The following FMO5 variants were observed in gnomAD, a reference collection of about 807,000 sequenced individuals.
FMO5 encodes the protein flavin-containing monooxygenase 5.
Under a neutral mutation model 43.6 loss-of-function variants are expected in FMO5, and 51 were observed. The observed-to-expected ratio is 1.17, with a 90% CI of 0.93 to 1.48. The LOEUF is 1.48. Among genes scored for constraint, FMO5 ranks in the 40% most tolerant of loss-of-function variants. FMO5 has a pLI of 0.00. For synonymous variants in FMO5, 187 were observed against 216.5 expected (o/e 0.86, Z 1.20); for missense variants, 644 against 643.0 (o/e 1.00, Z -0.02).
chr1:147,210,238 T>C (rs782255035), intron 5 of FMO5: 17 of 152,240 alleles, frequency 1.1e-4, no homozygotes, highest in Non-Finnish European at 2.2e-4. Context: ...GTTTGATTGA[T>C]TATTTAATGG....
intron 2 of FMO5, chr1:147,223,897 G>A: frequency 2.7e-6 from 1 of 366,262 alleles, no homozygotes; most frequent in Non-Finnish European, 5.3e-6. Flanking sequence ...AGAGACTGTT[G>A]TCCTGGACTG....
intron 6 of FMO5, among the ~76,000 whole-genome samples, chr1:147,205,747 C>A (rs1571285909): frequency 2.0e-5 from 3 of 152,250 alleles, no homozygotes; most frequent in South Asian, 2.1e-4. Flanking sequence ...CTTCCTTACA[C>A]CTTATACAAA....
At chr1:147,222,406 G>A (rs1663192482) in intron 2 of FMO5, among the ~76,000 whole-genome samples, 1 of 152,128 alleles carries the variant, frequency 6.6e-6, no homozygotes, top group Non-Finnish European at 1.5e-5. Context: ...GGAAGTTGGG[G>A]AAATTGGAAC....
chr1:147,200,007 G>T (rs587744483), intron 7 of FMO5, among the ~76,000 whole-genome samples: 1 of 152,026 alleles, frequency 6.6e-6, no homozygotes, highest in Non-Finnish European at 1.5e-5. Context: ...ACATCATCTT[G>T]TTTCTCTCTA....
At chr1:147,195,468 C>A (rs1657820994) in intron 7 of FMO5, among the ~76,000 whole-genome samples, 2 of 152,074 alleles carry the variant, frequency 1.3e-5, no homozygotes, top group African/African-American at 4.8e-5. Flanking sequence ...GCCTAAAGTC[C>A]TGTGGAAGAT....
intron 2 of FMO5, among the ~76,000 whole-genome samples, chr1:147,219,882 A>T (rs1481521522): frequency 7.6e-6 from 1 of 132,126 alleles, no homozygotes; most frequent in African/African-American, 3.0e-5. Flanking sequence ...TCTATTGCCC[A>T]GGCTAGAGTG....
chr1:147,213,608 A>ACAGTTCT, intron 3 of FMO5, 138 bp from the exon 4 acceptor site: 1 of 697,658 alleles, frequency 1.4e-6, no homozygotes, highest in Non-Finnish European at 2.2e-6. Flanking sequence ...TACTCCACAA[A>ACAGTTCT]TAAGAACTGT....
At chr1:147,196,411 G>C (rs977303593) in intron 7 of FMO5, among the ~76,000 whole-genome samples, 3 of 151,766 alleles carry the variant, frequency 2.0e-5, no homozygotes, top group Non-Finnish European at 4.4e-5. Context: ...ACAACCACAA[G>C]TTTTACTTCT....
chr1:147,196,351 CG>C (rs1559643293), intron 7 of FMO5, among the ~76,000 whole-genome samples: 10 of 151,992 alleles, frequency 6.6e-5, no homozygotes, highest in Admixed American at 5.2e-4. Flanking sequence ...TAGGTCTCTT[CG>C]GATACTCAAA....
At chr1:147,195,150 C>T (rs146501693) in intron 7 of FMO5, among the ~76,000 whole-genome samples, 5,652 of 152,122 alleles carry the variant, frequency 0.037, 159 homozygotes, top group South Asian at 0.096. Flanking sequence ...TTCACCAATC[C>T]GACGTAGATT....
At chr1:147,222,584 A>C (rs1559681154) in intron 2 of FMO5, among the ~76,000 whole-genome samples, 1 of 152,228 alleles carries the variant, frequency 6.6e-6, no homozygotes, top group Non-Finnish European at 1.5e-5. Context: ...GGAGCTTTAA[A>C]AAATGGAGAT....
chr1:147,185,989 A>T (rs1194153397), downstream of FMO5, among the ~76,000 whole-genome samples: 1 of 152,226 alleles, frequency 6.6e-6, no homozygotes, highest in Non-Finnish European at 1.5e-5. Context: ...TGACTTGTTC[A>T]AATACTTACT....
chr1:147,204,626 T>A (rs111347700), intron 6 of FMO5: 48,554 of 1,589,766 alleles, frequency 0.031, 1,124 homozygotes, highest in South Asian at 0.089. Context: ...ACCAGAACAA[T>A]GTTTGTGCCA....
chr1:147,195,156 A>T (rs966842564), intron 7 of FMO5, among the ~76,000 whole-genome samples: 1 of 152,126 alleles, frequency 6.6e-6, no homozygotes, highest in Non-Finnish European at 1.5e-5. Context: ...AATCCGACGT[A>T]GATTTGGTCT....
At chr1:147,217,654 C>T (rs1662247025) in intron 2 of FMO5, among the ~76,000 whole-genome samples, 1 of 152,186 alleles carries the variant, frequency 6.6e-6, no homozygotes, top group Admixed American at 6.5e-5. Flanking sequence ...ATTTCTTTAA[C>T]TGCTAATAAC....
At chr1:147,225,100 C>T in intron 1 of FMO5, 34 bp from the exon 2 acceptor site, 2 of 1,605,970 alleles carry the variant, frequency 1.2e-6, no homozygotes, top group South Asian at 1.1e-5. Flanking sequence ...AAAAAGCACA[C>T]ATCGGTTAAC....
chr1:147,184,493 T>G (rs1397217695), downstream of FMO5: 8 of 1,529,816 alleles, frequency 5.2e-6, no homozygotes, highest in Non-Finnish European at 5.3e-6. This position sits in a 1 kb window ranked among gnomAD's most constrained non-coding sequence, Gnocchi z 4.4. Flanking sequence ...ATTTAGATGT[T>G]ATGTCTCCTT....
intron 6 of FMO5, chr1:147,208,367 C>A (rs1660452254): frequency 6.6e-6 from 1 of 152,464 alleles, no homozygotes; most frequent in African/African-American, 2.4e-5. Flanking sequence ...ACCAATAGAT[C>A]TTGGACATCT....
At chr1:147,214,268 A>AT (rs1661564311) in intron 3 of FMO5, among the ~76,000 whole-genome samples, 1 of 152,028 alleles carries the variant, frequency 6.6e-6, no homozygotes, top group African/African-American at 2.4e-5. Flanking sequence ...CCTGGCCAAC[A>AT]TGGCGAAACC....
Sources: gnomAD v4.1 joint callset for allele counts (sites outside exome capture counted in the v4.1 genomes callset) on GRCh38, gnomAD v4.1.1 for gene constraint, Gnocchi (gnomAD v3.1) non-coding constraint, MANE v1.5 for transcripts, NCBI Gene and HGNC (gene_info 2026-07-23, HGNC 2026-07-21) for gene names.